PKNOX2: variants seen among roughly 807,000 people sequenced by gnomAD.
The protein encoded by PKNOX2 is homeobox protein PKNOX2.
Under a neutral mutation model 53.1 loss-of-function variants are expected in PKNOX2, and 14 were observed. The observed-to-expected ratio is 0.26, with a 90% CI of 0.17 to 0.41. PKNOX2 has a LOEUF of 0.41. PKNOX2 is among the 10% of genes least tolerant of loss of function. The pLI is 1.00. For synonymous variants in PKNOX2, 257 were observed against 242.8 expected, an observed-to-expected ratio of 1.06 and a Z score of -0.54; for missense variants, 496 against 602.8, an observed-to-expected ratio of 0.82 and a Z score of 1.85.
chr11:125,228,362 G>T (rs1941901244), intron 1 of PKNOX2, among the ~76,000 whole-genome samples: 1 of 152,238 alleles, frequency 6.6e-6, no homozygotes, highest in African/African-American at 2.4e-5. Context: ...TATAGAGGAT[G>T]AAAACGGGTG....
Position 125,422,860 on chromosome 11 carries a change from A to T in PKNOX2, c.937-6152A>T, listed in dbSNP as rs1240443400. On this transcript the variant is annotated intron_variant, in intron 10 of 12. Coordinates refer to ENST00000298282, the MANE Select transcript of PKNOX2 (RefSeq NM_001382323.2). The surrounding 1 kb of genome is among the most constrained non-coding windows in gnomAD (Gnocchi z 4.1). ...AATGAGCGTATTTGTATGCTCACAG[A>T]AGGGGCTGCTGGGAGGCTCCTGCCA... Among the ~76,000 whole-genome samples the T allele has an allele frequency of 1.3e-5, 2 of 152,106 alleles. No homozygotes were observed. The highest frequency in any genetic ancestry group is 4.8e-5 in the African/African-American group (2 of 41,406).
rs1940567971 is a variant in PKNOX2 at position 125,216,885 on chromosome 11, A to G, written c.-200-18160A>G. On this transcript the variant is annotated intron_variant, in intron 1 of 12. Transcript: ENST00000298282. ...GTTAAAGGCGTATTAAAAGGTGAAG[A>G]CTCCCACTGTTGACCACATGTGGAG... 3.3e-5 allele frequency among the ~76,000 whole-genome samples: 5 copies of G among 151,586 alleles called. No individual in the cohort carries two copies. In the South Asian group the frequency reaches 1.0e-3, roughly 32 times the overall value.
chr11:125,339,856 T>C (rs990564796), intron 3 of PKNOX2, among the ~76,000 whole-genome samples: 5 of 152,234 alleles, frequency 3.3e-5, no homozygotes, highest in Admixed American at 6.5e-5. Flanking sequence ...TCTTCAGCCA[T>C]ACATTTCCAT....
At chr11:125,368,973 A>G (rs1952356689) in intron 5 of PKNOX2, among the ~76,000 whole-genome samples, 1 of 152,202 alleles carries the variant, frequency 6.6e-6, no homozygotes, top group Non-Finnish European at 1.5e-5. Flanking sequence ...GGCTGGGCAC[A>G]CACTGCAGCA....
At chr11:125,376,504 G>T (rs1952850771) in intron 5 of PKNOX2, among the ~76,000 whole-genome samples, 1 of 152,054 alleles carries the variant, frequency 6.6e-6, no homozygotes, top group South Asian at 2.1e-4. Context: ...TCTGCAGGCA[G>T]CCCCCAGCAG....
intron 4 of PKNOX2, among the ~76,000 whole-genome samples, chr11:125,358,880 C>G (rs973864696): frequency 1.4e-4 from 22 of 152,198 alleles, no homozygotes; most frequent in African/African-American, 5.3e-4. Context: ...AGCTGGGAGA[C>G]CAGCCCGCTC....
chr11:125,269,334 T>A (rs1167551551), intron 2 of PKNOX2, among the ~76,000 whole-genome samples: 2 of 152,160 alleles, frequency 1.3e-5, no homozygotes, highest in Non-Finnish European at 2.9e-5. Context: ...TTATTTCTCC[T>A]ACAGGAACCA....
At chr11:125,178,679 A>AAG (rs1247374251) in intron 1 of PKNOX2, among the ~76,000 whole-genome samples, 5 of 85,688 alleles carry the variant, frequency 5.8e-5, no homozygotes, top group African/African-American at 2.4e-4. Flanking sequence ...GGAAAGAAAG[A>AAG]GAGAGAGAGA....
intron 1 of PKNOX2, among the ~76,000 whole-genome samples, chr11:125,227,377 C>T (rs1212371239): frequency 1.3e-5 from 2 of 152,188 alleles, no homozygotes; most frequent in African/African-American, 4.8e-5. Context: ...ACTCCCCAGT[C>T]CCTCATCCTC....
At chr11:125,387,617 C>T (rs1245372539) in intron 6 of PKNOX2, among the ~76,000 whole-genome samples, 1 of 152,152 alleles carries the variant, frequency 6.6e-6, no homozygotes, top group Non-Finnish European at 1.5e-5. Context: ...GAGTGTCTGC[C>T]CCATGCCAGG....
At chr11:125,404,887 G>T (rs1428663374) in intron 7 of PKNOX2, among the ~76,000 whole-genome samples, 1 of 152,326 alleles carries the variant, frequency 6.6e-6, no homozygotes, top group East Asian at 1.9e-4. Context: ...CAGAGGACGG[G>T]CCGCGGCTGT....
chr11:125,301,291 C>A (rs1948045960), intron 2 of PKNOX2, among the ~76,000 whole-genome samples: 1 of 152,102 alleles, frequency 6.6e-6, no homozygotes, highest in Non-Finnish European at 1.5e-5. Flanking sequence ...TGTTCGAGAT[C>A]CTCCAGCCCA....
intron 2 of PKNOX2, among the ~76,000 whole-genome samples, chr11:125,331,012 T>TC (rs1950111332): frequency 7.6e-6 from 1 of 131,128 alleles, no homozygotes; most frequent in Non-Finnish European, 1.6e-5. Flanking sequence ...AGCAGCCCCC[T>TC]CCCCCGACCC....
chr11:125,285,177 G>C lies in PKNOX2; in HGVS notation c.-129-46642G>C, dbSNP rs78579315. On this transcript the variant is annotated intron_variant, in intron 2 of 12. Transcript: ENST00000298282. The stretch of plus-strand genomic sequence containing the variant: ...CCTTTAGCTGAGAACTCAAGGCTAG[G>C]GGGGTGATTTGTCCAATATCACAGA... Among the ~76,000 whole-genome samples, 981 of 152,146 alleles carry C rather than the reference G, an allele frequency of 6.4e-3. 9 individuals are homozygous for C. The highest frequency in any genetic ancestry group is 0.022 in the African/African-American group (923 of 41,494).
rs1005106038 is a variant in PKNOX2 at position 125,410,185 on chromosome 11, C to G, written c.589-11C>G. On this transcript the variant is annotated splice_polypyrimidine_tract_variant and intron_variant, in intron 7 of 12. Transcript: ENST00000298282. ...TGTCATTGTCACAAACCACGCCTCC[C>G]TCACTGCCAGGACCTCCTGCAGAAT... 6.2e-7 allele frequency: 1 copy of G among 1,613,474 alleles called. No homozygotes were observed. The highest frequency in any genetic ancestry group is 1.3e-5 in the African/African-American group (1 of 74,982).
intron 1 of PKNOX2, among the ~76,000 whole-genome samples, chr11:125,199,975 C>A (rs1457811109): frequency 6.6e-6 from 1 of 152,240 alleles, no homozygotes; most frequent in Non-Finnish European, 1.5e-5. Context: ...GCCAGATCAC[C>A]TCAGTCCATC....
At chr11:125,360,201 G>A (rs1951851288) in intron 4 of PKNOX2, among the ~76,000 whole-genome samples, 1 of 152,038 alleles carries the variant, frequency 6.6e-6, no homozygotes, top group Admixed American at 6.5e-5. Context: ...AGAAGGTGAA[G>A]GCTTGGGTGT....
At chr11:125,408,115 G>T (rs888401352) in intron 7 of PKNOX2, among the ~76,000 whole-genome samples, 2 of 152,216 alleles carry the variant, frequency 1.3e-5, no homozygotes, top group Non-Finnish European at 2.9e-5. Context: ...GCATTTGTGG[G>T]TGAAGGAGAT....
In PKNOX2 at chr11:125,409,744, G is replaced by A. The variant is rs376967300; in HGVS notation, c.589-452G>A. On this transcript the variant is annotated intron_variant, in intron 7 of 12. Transcript: ENST00000298282. ...CAGGTGAAGCCATTTTCTCAGACCC[G>A]GCTGACAGTGGAATCACCTGGGGAG... is the stretch of plus-strand genomic sequence containing the variant. Among the ~76,000 whole-genome samples the A allele has an allele frequency of 9.2e-5, 14 of 152,116 alleles. No individual in the cohort carries two copies. The South Asian group carries it at 1.2e-3, about 14-fold the overall frequency.
Sources: allele counts gnomAD v4.1 joint callset (sites outside exome capture counted in the v4.1 genomes callset), GRCh38; gene constraint gnomAD v4.1.1; non-coding constraint Gnocchi (gnomAD v3.1); transcripts MANE v1.5; gene names NCBI Gene and HGNC (gene_info 2026-07-23, HGNC 2026-07-21).